The following BHMT variants were observed in gnomAD, a reference collection of about 807,000 sequenced individuals.
BHMT encodes betaine--homocysteine S-methyltransferase.
In BHMT, 38 loss-of-function variants were observed where a neutral mutation model predicts 49.5. That is an observed-to-expected ratio of 0.77 (90% confidence interval 0.59 to 1.01). BHMT has a LOEUF of 1.01. Among genes scored for constraint, BHMT ranks in the 50% least tolerant of loss-of-function variants. The pLI, the probability that BHMT is intolerant of heterozygous loss-of-function variation, is 0.00. For synonymous variants in BHMT, 166 were observed against 176.3 expected, an observed-to-expected ratio of 0.94 and a Z score of 0.46; for missense variants, 426 against 495.7, an observed-to-expected ratio of 0.86 and a Z score of 1.34.
chr5:79,124,181 T>C (rs1175936951), intron 5 of BHMT, among the ~76,000 whole-genome samples: 3 of 151,952 alleles, frequency 2.0e-5, no homozygotes, highest in Non-Finnish European at 4.4e-5. Context: ...AGTTTCTCTT[T>C]GGGGTATCGA....
At chr5:79,121,542 C>T (rs568559858) in intron 5 of BHMT, among the ~76,000 whole-genome samples, 177 bp downstream of exon 5, 47 of 152,082 alleles carry the variant, frequency 3.1e-4, no homozygotes, top group African/African-American at 9.6e-4. Flanking sequence ...TGGCTGGGCG[C>T]GGTGGCTGAC....
chr5:79,117,336 G>A (rs6453430), intron 2 of BHMT, among the ~76,000 whole-genome samples: 1,832 of 152,150 alleles, frequency 0.012, 43 homozygotes, highest in African/African-American at 0.041. Context: ...CAGAAACCTA[G>A]TATATAGGCC....
In BHMT at chr5:79,119,368, G is replaced by C. The variant is rs1161470062; in HGVS notation, c.276G>C (p.Glu92Asp). 1 of 1,611,090 alleles carries C rather than the reference G, an allele frequency of 6.2e-7. No individual in the cohort carries two copies. Among genetic ancestry groups the C allele is most frequent in the African/African-American group, 1.3e-5 (1 of 74,908 alleles). ...AGAACAGGGGCAACTATGTCTTAGA[G>C]AAGATATCTGTGAGTAAAACCAGCC... The part of the protein sequence containing the change: ...KLENRGNYVL[E>D]KISGQEVNEA... The change falls in exon 3 of 8, where the codon GAG becomes GAC. Residue 92 changes from glutamate (E) to aspartate (D), a missense_variant. By Grantham distance (45) the Glu-to-Asp change is conservative. Around this residue, in one of 3 missense-constraint regions of BHMT, gnomAD observed 321 missense variants for 355.9 expected, o/e 0.90. Transcript: ENST00000274353.
intron 7 of BHMT, among the ~76,000 whole-genome samples, chr5:79,128,900 G>A (rs1349100620): frequency 2.0e-5 from 3 of 152,190 alleles, no homozygotes; most frequent in East Asian, 1.9e-4. Context: ...AAAAGAATAC[G>A]AAAGCCAATG....
At chr5:79,112,693 T>C (rs1186585633) in intron 1 of BHMT, among the ~76,000 whole-genome samples, 5 of 152,176 alleles carry the variant, frequency 3.3e-5, no homozygotes, top group African/African-American at 1.2e-4. Flanking sequence ...TTGATGAAAT[T>C]GTAAAACCCA....
chr5:79,121,423 C>A, intron 5 of BHMT, 58 bp downstream of exon 5: 1 of 1,593,272 alleles, frequency 6.3e-7, no homozygotes. Flanking sequence ...CACACTAGTG[C>A]ACATCTGTCT....
Position 79,121,353 on chromosome 5 carries a change from C to G in BHMT, c.613C>G (p.Leu205Val). 1 of 1,614,074 alleles carries G rather than the reference C, an allele frequency of 6.2e-7. No homozygotes were observed. Among genetic ancestry groups the G allele is most frequent in the Non-Finnish European group, 8.5e-7 (1 of 1,179,966 alleles). Reference sequence around the variant, plus strand: ...GCCCCCCGGCGAGTGTGCAGTGCGCCTGGTGAAAGCAGGTGATGATAGATT... The same window carrying G: ...GCCCCCCGGCGAGTGTGCAGTGCGCGTGGTGAAAGCAGGTGATGATAGATT... ...GVPPGECAVR[L>V]VKAGASIIGV... Residue 205 changes from leucine (L) to valine (V), a missense_variant, in exon 5 of 8, where the codon CTG (leucine) becomes GTG (valine). Transcript: ENST00000274353.
At chr5:79,122,067 G>A (rs1277601418) in intron 5 of BHMT, among the ~76,000 whole-genome samples, 2 of 151,490 alleles carry the variant, frequency 1.3e-5, no homozygotes, top group African/African-American at 4.8e-5. Context: ...TCAGCCTCCC[G>A]AGTAGCTGGG....
intron 5 of BHMT, among the ~76,000 whole-genome samples, chr5:79,122,252 T>A (rs1401427940): frequency 6.6e-6 from 1 of 152,268 alleles, no homozygotes; most frequent in South Asian, 2.1e-4. Flanking sequence ...TAGGCAGATA[T>A]CTTTACTGTG....
intron 7 of BHMT, among the ~76,000 whole-genome samples, chr5:79,130,009 A>C (rs1756612953): frequency 6.6e-6 from 1 of 152,148 alleles, no homozygotes; most frequent in Non-Finnish European, 1.5e-5. Flanking sequence ...AAGTACAAAA[A>C]TTAGCTGTAC....
Position 79,115,696 on chromosome 5 carries a change from A to G in BHMT, c.34-71A>G, listed in dbSNP as rs1368201188. The G allele has an allele frequency of 2.1e-6, 3 of 1,445,280 alleles. No homozygotes were observed. In the East Asian group the frequency reaches 7.3e-5, roughly 35 times the overall value. The allele number at this position is 1,445,280 out of a possible 1,614,324, so 89.5% of individuals were successfully genotyped here. ...ACACATCTCCAAGAATATGTTAGCA[A>G]AAGTAATAAAAATAGAAAATTATCT... On this transcript the variant is annotated intron_variant, in intron 1 of 7. Transcript: ENST00000274353.
At chr5:79,112,659 C>T (rs951480853) in intron 1 of BHMT, among the ~76,000 whole-genome samples, 3 of 152,220 alleles carry the variant, frequency 2.0e-5, no homozygotes, top group Non-Finnish European at 4.4e-5. Context: ...GGCAGAGTGG[C>T]TGTAAGATAC....
intron 1 of BHMT, among the ~76,000 whole-genome samples, chr5:79,112,970 C>A (rs1017053938): frequency 2.6e-5 from 4 of 152,144 alleles, no homozygotes; most frequent in African/African-American, 9.7e-5. Flanking sequence ...GCAGATGGGG[C>A]CAGGCCAACT....
At chr5:79,125,531 C>G (rs1357968061) in intron 5 of BHMT, among the ~76,000 whole-genome samples, 1 of 151,042 alleles carries the variant, frequency 6.6e-6, no homozygotes, top group East Asian at 2.0e-4. Flanking sequence ...CCAGACTCTT[C>G]AAAGCACTTT....
intron 1 of BHMT, among the ~76,000 whole-genome samples, chr5:79,112,753 G>A (rs1462182471): frequency 1.3e-5 from 2 of 152,224 alleles, no homozygotes; most frequent in African/African-American, 4.8e-5. Context: ...CCAGTGGCTT[G>A]TTGGGAGGGG....
chr5:79,117,124 G>A (rs575381253), intron 2 of BHMT, among the ~76,000 whole-genome samples: 17 of 152,314 alleles, frequency 1.1e-4, no homozygotes, highest in African/African-American at 4.1e-4. Context: ...ATAATCAAGA[G>A]TGAGGAGTTG....
intron 1 of BHMT, among the ~76,000 whole-genome samples, chr5:79,114,724 T>A (rs576697292): frequency 6.6e-6 from 1 of 152,272 alleles, no homozygotes; most frequent in South Asian, 2.1e-4. Flanking sequence ...AGCCCTATGC[T>A]CCCCATCTGG....
chr5:79,114,634 T>G (rs1756357596), intron 1 of BHMT, among the ~76,000 whole-genome samples: 1 of 152,136 alleles, frequency 6.6e-6, no homozygotes, highest in Non-Finnish European at 1.5e-5. Flanking sequence ...CACTATACAG[T>G]TTTTTTCAGG....
At chr5:79,128,602 G>C (rs1472185263) in intron 7 of BHMT, among the ~76,000 whole-genome samples, 1 of 151,418 alleles carries the variant, frequency 6.6e-6, no homozygotes, top group East Asian at 1.9e-4. Context: ...TTGTGCTCTA[G>C]TAAAGCACCA....
Sources: gnomAD v4.1 joint callset for allele counts (sites outside exome capture counted in the v4.1 genomes callset) on GRCh38, gnomAD v4.1.1 for gene constraint, gnomAD v4.1.1 regional missense constraint, MANE v1.5 for transcripts, NCBI Gene and HGNC (gene_info 2026-07-23, HGNC 2026-07-21) for gene names.